The following ASXL3 variants were observed in gnomAD, a reference collection of about 807,000 sequenced individuals.
ASXL3 encodes the protein putative Polycomb group protein ASXL3.
ASXL3 carries 34 observed loss-of-function variants against 170.6 expected under a neutral mutation model. That is an observed-to-expected ratio of 0.20 (90% CI 0.15 to 0.27). The LOEUF (loss-of-function observed/expected upper bound fraction) is 0.27. ASXL3 is among the 10% of genes least tolerant of loss of function. The probability of loss-of-function intolerance (pLI) is 1.00; values close to 1 mark genes in which losing one functional copy is unlikely to be tolerated. For missense variants in ASXL3, 2,592 were observed against 2,695.3 expected, an observed-to-expected ratio of 0.96 and a Z score of 0.85; for synonymous variants, 1,002 against 989.1, an observed-to-expected ratio of 1.01 and a Z score of -0.24.
chr18:33,736,767 AGGGTT>A (rs2067555553), intron 10 of ASXL3, among the ~76,000 whole-genome samples: 2 of 152,190 alleles, frequency 1.3e-5, no homozygotes, highest in African/African-American at 4.8e-5. Context: ...TCTGGAGGCC[AGGGTT>A]TTCCTTTGCG....
At position 33,724,929 on chromosome 18, in the gene ASXL3, A is replaced by G. The variant is rs142476816; in HGVS notation, c.880-7039A>G. On this transcript the variant is annotated intron_variant, in intron 8 of 11. Transcript: ENST00000269197. ...CTTTTAACAGCCTTCTTTCATTTTT[A>G]TGCCTATCTTTATGTTATTCTAAAG... 7.2e-5 allele frequency among the ~76,000 whole-genome samples: 11 copies of G among 152,160 alleles called. No individual in the cohort carries two copies. The East Asian group carries it at 1.9e-3, about 27-fold the overall frequency.
rs1175562458 is a variant in ASXL3 at position 33,749,031 on chromosome 18, A to G, written c.*2436A>G. Reference sequence around the variant, plus strand: ...TTGGAGAATCAGTTGTTGATAGTGCATGGATTCTATCATCCAGGTCCGATT... The same window carrying G: ...TTGGAGAATCAGTTGTTGATAGTGCGTGGATTCTATCATCCAGGTCCGATT... On this transcript the variant is annotated 3_prime_UTR_variant, in exon 12 of 12. Coordinates refer to ENST00000269197, the MANE Select transcript of ASXL3 (RefSeq NM_030632.3). 1 of 149,318 alleles carries G rather than the reference A, an allele frequency of 6.7e-6. No homozygotes were observed. Among genetic ancestry groups the G allele is most frequent in the African/African-American group, 2.5e-5 (1 of 40,680 alleles). The allele number at this position is 149,318 out of a possible 1,614,324, so 9.2% of individuals were successfully genotyped here.
intron 2 of ASXL3, chr18:33,609,154 C>T (rs538747316): frequency 3.4e-5 from 26 of 761,002 alleles, no homozygotes; most frequent in Middle Eastern, 1.3e-3. Context: ...AGTTAGGGAA[C>T]AAAATCAGGA....
chr18:33,657,954 C>T (rs996185244), intron 4 of ASXL3, among the ~76,000 whole-genome samples: 2 of 152,042 alleles, frequency 1.3e-5, no homozygotes, highest in African/African-American at 4.8e-5. Flanking sequence ...TTGAAAAGGA[C>T]AGGCTGTATT....
chr18:33,693,733 T>C (rs879656461), intron 8 of ASXL3, among the ~76,000 whole-genome samples: 2 of 152,200 alleles, frequency 1.3e-5, no homozygotes, highest in Non-Finnish European at 2.9e-5. Context: ...CAATGCTAAA[T>C]ATTTATGCAT....
chr18:33,714,298 T>C (rs1369772476), intron 8 of ASXL3, among the ~76,000 whole-genome samples: 1 of 152,186 alleles, frequency 6.6e-6, no homozygotes, highest in Non-Finnish European at 1.5e-5. Flanking sequence ...GCACAGCACG[T>C]TGCCAAGGGC....
At chr18:33,652,447 A>T (rs1470549807) in intron 4 of ASXL3, among the ~76,000 whole-genome samples, 2 of 152,014 alleles carry the variant, frequency 1.3e-5, no homozygotes, top group African/African-American at 4.8e-5. Flanking sequence ...AACAGCAACC[A>T]TCCTATATAT....
At chr18:33,686,396 A>G (rs1006492551) in intron 8 of ASXL3, among the ~76,000 whole-genome samples, 2 of 152,214 alleles carry the variant, frequency 1.3e-5, no homozygotes, top group Admixed American at 6.5e-5. Context: ...ACCAGTTAGA[A>G]TCACATAAAT....
chr18:33,601,228 G>GA (rs1178909302), intron 1 of ASXL3, among the ~76,000 whole-genome samples: 1 of 150,788 alleles, frequency 6.6e-6, no homozygotes, highest in Non-Finnish European at 1.5e-5. Flanking sequence ...TCTTTGTATT[G>GA]AAAAAAATCT....
intron 8 of ASXL3, among the ~76,000 whole-genome samples, chr18:33,730,893 T>C (rs1040433351): frequency 6.6e-5 from 10 of 152,108 alleles, no homozygotes; most frequent in African/African-American, 1.9e-4. Context: ...TTCAAATGTA[T>C]TGAATATTTT....
chr18:33,643,299 A>G (rs1002088226), intron 2 of ASXL3, among the ~76,000 whole-genome samples: 1 of 151,892 alleles, frequency 6.6e-6, no homozygotes, highest in Non-Finnish European at 1.5e-5. Context: ...AGATGAATAT[A>G]TTTTACTTTA....
intron 8 of ASXL3, among the ~76,000 whole-genome samples, chr18:33,707,846 A>T (rs906888697): frequency 6.6e-6 from 1 of 152,014 alleles, no homozygotes; most frequent in African/African-American, 2.4e-5. Context: ...ATTTCCTTCC[A>T]TTCCTTGTTT....
intron 2 of ASXL3, among the ~76,000 whole-genome samples, chr18:33,623,659 C>T (rs11661192): frequency 0.33 from 50,654 of 152,024 alleles, 9,250 homozygotes; most frequent in Middle Eastern, 0.43. Context: ...AGATATTTTA[C>T]AGCAGTATTT....
rs561075433 is a variant in ASXL3 at position 33,652,954 on chromosome 18, G to A, written c.355+6601G>A. Among the ~76,000 whole-genome samples the A allele has an allele frequency of 5.9e-5, 9 of 152,116 alleles. 1 individual carries two copies. The highest frequency in any genetic ancestry group is 1.3e-4 in the Non-Finnish European group (9 of 67,986). ...GAGAAATTGGGGCATACATTTAAAA[G>A]GTCTGGACACCCTGGGGAGTAGTCA... On this transcript the variant is annotated intron_variant, in intron 4 of 11. Transcript: ENST00000269197.
chr18:33,749,151 C>T lies in ASXL3; in HGVS notation c.*2556C>T, dbSNP rs971238383. On this transcript the variant is annotated 3_prime_UTR_variant, in exon 12 of 12. Transcript: ENST00000269197. ...GTTTATATTACTGAAAAATTAATAT[C>T]TTTAAGCTAAAATATAAGGGAAAGG... 2 of 143,564 alleles carry T rather than the reference C, an allele frequency of 1.4e-5. No homozygotes were observed. Among genetic ancestry groups the T allele is most frequent in the Non-Finnish European group, 3.0e-5 (2 of 66,716 alleles). The allele number at this position is 143,564 out of a possible 1,614,324, so 8.9% of individuals were successfully genotyped here.
At chr18:33,680,384 T>G (rs2066496489) in intron 7 of ASXL3, among the ~76,000 whole-genome samples, 1 of 152,072 alleles carries the variant, frequency 6.6e-6, no homozygotes, top group Non-Finnish European at 1.5e-5. Flanking sequence ...TGTTGTGTTT[T>G]GTTTTCTTGC....
chr18:33,745,067 T>C lies in ASXL3; in HGVS notation c.5219T>C (p.Leu1740Pro). ...VPGAGSSGCR[L>P]SSVEANNPLV... The stretch of plus-strand genomic sequence containing the variant: ...GGTGCAGGGAGCTCAGGCTGTCGTC[T>C]GTCCTCTGTGGAGGCTAACAATCCG... The change falls in exon 12 of 12, where the codon CTG becomes CCG. Residue 1740 changes from leucine (L) to proline (P), a missense_variant. Leu to Pro is a moderately conservative substitution (Grantham distance 98). This residue lies in a region of ASXL3 where 2,246 missense variants were observed against 2,219.6 expected (regional missense o/e 1.01). Coordinates refer to ENST00000269197, the MANE Select transcript of ASXL3 (RefSeq NM_030632.3). 2.5e-6 allele frequency: 4 copies of C among 1,614,030 alleles called. No homozygotes were observed. Among genetic ancestry groups the C allele is most frequent in the South Asian group, 2.2e-5 (2 of 91,090 alleles).
intron 2 of ASXL3, among the ~76,000 whole-genome samples, chr18:33,619,564 C>G (rs1017536726): frequency 6.6e-6 from 1 of 151,886 alleles, no homozygotes; most frequent in African/African-American, 2.4e-5. Context: ...GGCTTATGGA[C>G]AGCAGCATGA....
At chr18:33,648,977 C>T (rs2065956414) in intron 4 of ASXL3, among the ~76,000 whole-genome samples, 1 of 151,850 alleles carries the variant, frequency 6.6e-6, no homozygotes, top group South Asian at 2.1e-4. Flanking sequence ...AAGACCATAG[C>T]TTGAATAAGG....
Sources: allele counts gnomAD v4.1 joint callset (sites outside exome capture counted in the v4.1 genomes callset), GRCh38; gene constraint gnomAD v4.1.1; regional missense constraint gnomAD v4.1.1; transcripts MANE v1.5; gene names NCBI Gene and HGNC (gene_info 2026-07-23, HGNC 2026-07-21).